AGAP1: variants seen among roughly 807,000 people sequenced by gnomAD.
The protein encoded by AGAP1 is ArfGAP with GTPase domain, ankyrin repeat and PH domain 1.
A neutral mutation model predicts 105.3 loss-of-function variants in AGAP1; 29 were observed. The ratio of observed to expected loss-of-function variants is 0.28; its 90% CI spans 0.21 to 0.38. The LOEUF is 0.38. Among genes scored for constraint, AGAP1 ranks in the 10% least tolerant of loss-of-function variants. The pLI is 1.00. For synonymous variants in AGAP1, 509 were observed against 485.9 expected (o/e 1.05, Z -0.63); for missense variants, 998 against 1,165.1 (o/e 0.86, Z 2.09).
intron 3 of AGAP1, among the ~76,000 whole-genome samples, chr2:235,722,718 G>A (rs1005516347): frequency 3.8e-4 from 58 of 152,138 alleles, no homozygotes; most frequent in Middle Eastern, 6.8e-3. Context: ...CAGGGGTTAG[G>A]GCTTGAACGT....
chr2:235,676,318 G>T (rs1018380717), intron 1 of AGAP1, among the ~76,000 whole-genome samples: 4 of 152,334 alleles, frequency 2.6e-5, no homozygotes, highest in Non-Finnish European at 4.4e-5. Context: ...TCCTTCCTGG[G>T]CATGAAGCAC....
intron 9 of AGAP1, among the ~76,000 whole-genome samples, chr2:235,827,919 G>A (rs1348003574): frequency 2.6e-5 from 4 of 152,140 alleles, no homozygotes; most frequent in African/African-American, 9.7e-5. Context: ...GAGGGAGGCT[G>A]CACTGGCTTC....
chr2:235,562,295 G>A (rs538899318), intron 1 of AGAP1, among the ~76,000 whole-genome samples: 2 of 152,152 alleles, frequency 1.3e-5, no homozygotes, highest in South Asian at 2.1e-4. Flanking sequence ...ATTATAGCAC[G>A]TGATTATACT....
intron 3 of AGAP1, among the ~76,000 whole-genome samples, chr2:235,738,029 C>T (rs944715635): frequency 7.2e-5 from 11 of 152,014 alleles, no homozygotes; most frequent in African/African-American, 2.7e-4. Flanking sequence ...CACAGAGGAG[C>T]ACATGTGGGG....
At chr2:236,086,213 C>T (rs1414439065) in intron 16 of AGAP1, among the ~76,000 whole-genome samples, 1 of 152,204 alleles carries the variant, frequency 6.6e-6, no homozygotes, top group Non-Finnish European at 1.5e-5. Context: ...TTATTTCTTA[C>T]ATGACTGCGT....
chr2:235,986,108 G>T (rs2055304081), intron 13 of AGAP1, among the ~76,000 whole-genome samples: 1 of 152,008 alleles, frequency 6.6e-6, no homozygotes, highest in African/African-American at 2.4e-5. Flanking sequence ...TGAGGATGGA[G>T]TTTTTTTCCA....
chr2:235,886,351 C>T (rs1232920086), intron 10 of AGAP1, among the ~76,000 whole-genome samples: 1 of 152,270 alleles, frequency 6.6e-6, no homozygotes, highest in Admixed American at 6.5e-5. Context: ...AGCTCAGGCT[C>T]AGTCGAAGGG....
At chr2:235,929,288 A>G (rs1575805975) in intron 11 of AGAP1, among the ~76,000 whole-genome samples, 1 of 152,080 alleles carries the variant, frequency 6.6e-6, no homozygotes, top group Non-Finnish European at 1.5e-5. Flanking sequence ...GGCAGGTGGC[A>G]GGTGGGGCCT....
At chr2:235,935,642 T>C (rs2052952380) in intron 12 of AGAP1, among the ~76,000 whole-genome samples, 1 of 152,192 alleles carries the variant, frequency 6.6e-6, no homozygotes, top group Non-Finnish European at 1.5e-5. Context: ...AAGAAATTGG[T>C]GTTTGCAGTC....
chr2:235,783,307 T>A (rs1015155347), intron 6 of AGAP1: 1 of 469,912 alleles, frequency 2.1e-6, no homozygotes, highest in East Asian at 7.0e-5. Context: ...AGCTAACATT[T>A]ACATACCTCA....
At chr2:236,041,105 A>G (rs966054829) in intron 15 of AGAP1, among the ~76,000 whole-genome samples, 2 of 152,092 alleles carry the variant, frequency 1.3e-5, no homozygotes, top group African/African-American at 4.8e-5. Context: ...CTGAGGTGCA[A>G]AGGATTCAAC....
In AGAP1 at chr2:235,663,120, G is replaced by A. The variant is rs1190317042; in HGVS notation, c.164-46059G>A. 6.6e-6 allele frequency among the ~76,000 whole-genome samples: 1 copy of A among 152,136 alleles called. No individual in the cohort carries two copies. Among genetic ancestry groups the A allele is most frequent in the East Asian group, 1.9e-4 (1 of 5,168 alleles). ...CGGGTGGATCATCTGAGGTCAGCCT[G>A]ACCAACAAGGTGAAACCCTGTCTCT... On this transcript the variant is annotated intron_variant, in intron 1 of 17. Transcript: ENST00000304032. The surrounding 1 kb of genome is among the most constrained non-coding windows in gnomAD (Gnocchi z 5.4).
intron 9 of AGAP1, 26 bp downstream of exon 9, chr2:235,807,357 C>T (rs1485158493): frequency 1.9e-6 from 3 of 1,565,726 alleles, no homozygotes; most frequent in South Asian, 1.2e-5. Flanking sequence ...ATCCTTCCCT[C>T]CCTGTCGCCG....
Position 235,891,671 on chromosome 2 carries a change from G to C in AGAP1, c.1155+8222G>C, listed in dbSNP as rs2050550652. On this transcript the variant is annotated intron_variant, in intron 10 of 17. Transcript: ENST00000304032. This position sits in a 1 kb window ranked among gnomAD's most constrained non-coding sequence, Gnocchi z 4.2. ...ATGTGTGCAGTGAGATTCCTAAGTG[G>C]ACCTGGAAGGATGAGCTGAGTGGCC... 1.3e-5 allele frequency among the ~76,000 whole-genome samples: 2 copies of C among 152,278 alleles called. No individual in the cohort carries two copies. Among genetic ancestry groups the C allele is most frequent in the Non-Finnish European group, 2.9e-5 (2 of 68,024 alleles).
In AGAP1 at chr2:235,665,517, T is replaced by A. The variant is rs1211278493; in HGVS notation, c.164-43662T>A. 6.6e-6 allele frequency among the ~76,000 whole-genome samples: 1 copy of A among 152,246 alleles called. No homozygotes were observed. The highest frequency in any genetic ancestry group is 6.5e-5 in the Admixed American group (1 of 15,288). ...GGATGCGTGCAGAATTTTCAGTTCC[T>A]AGAAGCTGAGCATCATGGCAAATCT... On this transcript the variant is annotated intron_variant, in intron 1 of 17. Transcript: ENST00000304032. This position sits in a 1 kb window ranked among gnomAD's most constrained non-coding sequence, Gnocchi z 5.3.
intron 13 of AGAP1, among the ~76,000 whole-genome samples, chr2:235,987,401 T>C (rs1018366242): frequency 5.9e-5 from 9 of 152,110 alleles, no homozygotes; most frequent in African/African-American, 2.2e-4. Context: ...TCTTCTTTAT[T>C]AGTTTAGCTA....
chr2:235,863,724 C>A (rs1445653283), intron 9 of AGAP1, among the ~76,000 whole-genome samples: 2 of 152,202 alleles, frequency 1.3e-5, no homozygotes, highest in Non-Finnish European at 2.9e-5. Context: ...TGGGAGAAAG[C>A]CCTGGTGTGA....
rs2054050214 is a variant in AGAP1, at chr2:235,958,626, G to GT, written c.1484-9835dup. ...GCAGATAATCGGAGGAGAGTTAATT[G>GT]TAAGGTTCGATATGGCATCTTGTCA... On this transcript the variant is annotated intron_variant, in intron 12 of 17. Coordinates refer to ENST00000304032, the MANE Select transcript of AGAP1 (RefSeq NM_001037131.3). The surrounding 1 kb of genome is among the most constrained non-coding windows in gnomAD (Gnocchi z 4.1). 6.6e-6 allele frequency among the ~76,000 whole-genome samples: 1 copy of GT among 152,182 alleles called. No individual in the cohort carries two copies. The highest frequency in any genetic ancestry group is 1.5e-5 in the Non-Finnish European group (1 of 68,028).
chr2:235,722,460 C>T (rs1951436976), intron 3 of AGAP1, among the ~76,000 whole-genome samples: 1 of 152,138 alleles, frequency 6.6e-6, no homozygotes, highest in Non-Finnish European at 1.5e-5. Flanking sequence ...TGAGGGCCTT[C>T]CTGTCTTCAG....
Sources: gnomAD v4.1 joint callset for allele counts (sites outside exome capture counted in the v4.1 genomes callset) on GRCh38, gnomAD v4.1.1 for gene constraint, Gnocchi (gnomAD v3.1) non-coding constraint, MANE v1.5 for transcripts, NCBI Gene and HGNC (gene_info 2026-07-23, HGNC 2026-07-21) for gene names.